The following RBFOX1 variants were observed in gnomAD, a reference collection of about 807,000 sequenced individuals.
The protein encoded by RBFOX1 is RNA binding fox-1 homolog 1.
RBFOX1 carries 8 observed loss-of-function variants against 57.7 expected under a neutral mutation model. The ratio of observed to expected loss-of-function variants is 0.14; its 90% CI spans 0.08 to 0.25. RBFOX1 has a LOEUF of 0.25. Ranked by LOEUF, RBFOX1 falls within the 10% of genes least tolerant of loss-of-function variation. The pLI is 1.00. For synonymous variants in RBFOX1, 326 were observed against 222.4 expected, an observed-to-expected ratio of 1.47 and a Z score of -4.15; for missense variants, 611 against 548.5, an observed-to-expected ratio of 1.11 and a Z score of -1.14.
At chr16:7,678,535 T>C (rs2073965409) in intron 14 of RBFOX1, among the ~76,000 whole-genome samples, 1 of 152,168 alleles carries the variant, frequency 6.6e-6, no homozygotes, top group Admixed American at 6.6e-5. Flanking sequence ...ATAATCATAG[T>C]AACTCTAGCC....
chr16:7,112,094 T>C (rs1473849726), intron 4 of RBFOX1, among the ~76,000 whole-genome samples: 1 of 152,154 alleles, frequency 6.6e-6, no homozygotes, highest in Non-Finnish European at 1.5e-5. Flanking sequence ...GAAACAAAAA[T>C]ATCCTGTGAT....
At chr16:7,056,568 A>C (rs1227023766) in intron 4 of RBFOX1, among the ~76,000 whole-genome samples, 1 of 152,162 alleles carries the variant, frequency 6.6e-6, no homozygotes, top group African/African-American at 2.4e-5. Context: ...ACAAATAAAC[A>C]ACTAAGAGAG....
At chr16:7,364,851 C>T (rs1236360569) in intron 4 of RBFOX1, among the ~76,000 whole-genome samples, 1 of 152,126 alleles carries the variant, frequency 6.6e-6, no homozygotes, top group East Asian at 1.9e-4. Flanking sequence ...TGCTTACTAA[C>T]AAGGAAGAGA....
At chr16:6,871,911 C>CTGTGTGTGTGTCTG (rs2060958315) in intron 3 of RBFOX1, among the ~76,000 whole-genome samples, 1 of 129,610 alleles carries the variant, frequency 7.7e-6, no homozygotes. Flanking sequence ...GGGAGAGAGT[C>CTGTGTGTGTGTCTG]TGTGTGTGTG....
At chr16:5,454,932 TTCCTTCCTTCCTTCCTTCCTTC>T (rs2068565139) in intron 1 of RBFOX1, among the ~76,000 whole-genome samples, 18 of 64,220 alleles carry the variant, frequency 2.8e-4, no homozygotes, top group East Asian at 1.5e-3. Flanking sequence ...TCTTTCTTCC[TTCCTTCCTTCCTTCCTTCCTTC>T]CTTCCTTTCT....
chr16:6,053,777 G>T (rs1218546112), intron 1 of RBFOX1, among the ~76,000 whole-genome samples: 1 of 152,140 alleles, frequency 6.6e-6, no homozygotes, highest in Non-Finnish European at 1.5e-5. Flanking sequence ...CTTAGGCTGG[G>T]CACAGTGGCC....
intron 2 of RBFOX1, among the ~76,000 whole-genome samples, chr16:6,637,708 C>A (rs977755959): frequency 6.6e-6 from 1 of 151,004 alleles, no homozygotes; most frequent in Non-Finnish European, 1.5e-5. Flanking sequence ...GTACAGCTGA[C>A]CATGAGTACA....
intron 3 of RBFOX1, among the ~76,000 whole-genome samples, chr16:6,951,400 A>C (rs1451901236): frequency 1.4e-4 from 21 of 152,200 alleles, no homozygotes; most frequent in Non-Finnish European, 3.1e-4. Flanking sequence ...TTAAAACAAT[A>C]ACGTACATTT....
At chr16:5,929,129 A>G (rs1319939127) in intron 4 of RBFOX1, among the ~76,000 whole-genome samples, 1 of 151,998 alleles carries the variant, frequency 6.6e-6, no homozygotes, top group African/African-American at 2.4e-5. Flanking sequence ...TGACAGAGAC[A>G]TTGCTTTGGA....
chr16:6,296,437 T>C (rs1187707279), intron 1 of RBFOX1, among the ~76,000 whole-genome samples: 1 of 151,480 alleles, frequency 6.6e-6, no homozygotes, highest in South Asian at 2.1e-4. Context: ...TTTTTTTTTT[T>C]CGAGGTGGAG....
chr16:6,928,500 C>G (rs73543231), intron 3 of RBFOX1, among the ~76,000 whole-genome samples: 3 of 152,140 alleles, frequency 2.0e-5, no homozygotes, highest in African/African-American at 4.8e-5. Flanking sequence ...TGCTTTCATG[C>G]GTTAATTATG....
Position 5,341,653 on chromosome 16 carries a change from A to G in RBFOX1, c.219+101548A>G, listed in dbSNP as rs956625305. 5.3e-5 allele frequency among the ~76,000 whole-genome samples: 8 copies of G among 152,164 alleles called. No individual in the cohort carries two copies. The East Asian group carries it at 9.6e-4, about 18-fold the overall frequency. On this transcript the variant is annotated intron_variant, in intron 1 of 2. Transcript: ENST00000585867. The stretch of plus-strand genomic sequence containing the variant: ...CTTGGTTTAATGCTCTGCTTTTGCC[A>G]TCTTGAAATAATGATCCATTTTAGG...
chr16:6,573,615 A>G (rs1029473877), intron 2 of RBFOX1, among the ~76,000 whole-genome samples: 2 of 152,230 alleles, frequency 1.3e-5, no homozygotes, highest in Non-Finnish European at 2.9e-5. Flanking sequence ...TTGGAGAGGT[A>G]GAAAAACTCT....
chr16:7,469,342 G>A (rs774443432), intron 4 of RBFOX1, among the ~76,000 whole-genome samples: 15 of 152,026 alleles, frequency 9.9e-5, no homozygotes, highest in African/African-American at 2.2e-4. Flanking sequence ...GATTATAGGC[G>A]TGAGCCACCG....
At chr16:5,614,009 G>T (rs1385620778) in intron 3 of RBFOX1, among the ~76,000 whole-genome samples, 4 of 151,948 alleles carry the variant, frequency 2.6e-5, no homozygotes, top group Non-Finnish European at 5.9e-5. Context: ...TCTCAATGGG[G>T]CTGTGGAGGG....
chr16:6,758,444 A>T (rs1380496311), intron 3 of RBFOX1, among the ~76,000 whole-genome samples: 1 of 152,160 alleles, frequency 6.6e-6, no homozygotes, highest in Non-Finnish European at 1.5e-5. Flanking sequence ...ATTACAATTG[A>T]ACCCAGTTTG....
chr16:5,464,507 G>C (rs779233691), intron 1 of RBFOX1, among the ~76,000 whole-genome samples: 2 of 152,236 alleles, frequency 1.3e-5, no homozygotes, highest in South Asian at 4.1e-4. Flanking sequence ...GGGAACCCAG[G>C]CACTGAGGAG....
In RBFOX1 at chr16:7,079,205, G is replaced by A. The variant is rs558483706; in HGVS notation, c.27+27107G>A. Reference sequence around the variant, plus strand: ...TCCTATCTCTGCACCATCCAGGCGCGGGACTGCATATGTTTATTGGCCAAA... The same window carrying A: ...TCCTATCTCTGCACCATCCAGGCGCAGGACTGCATATGTTTATTGGCCAAA... On this transcript the variant is annotated intron_variant, in intron 4 of 15. Transcript: ENST00000550418. 3.5e-4 allele frequency among the ~76,000 whole-genome samples: 54 copies of A among 152,148 alleles called. 1 individual carries two copies. In the South Asian group the frequency reaches 8.3e-3, roughly 24 times the overall value.
chr16:5,279,971 G>T (rs1382302045), intron 1 of RBFOX1, among the ~76,000 whole-genome samples: 1 of 152,188 alleles, frequency 6.6e-6, no homozygotes, highest in South Asian at 2.1e-4. Context: ...GTGCCATACT[G>T]TGTTGAATAG....
Sources: gnomAD v4.1 joint callset for allele counts (sites outside exome capture counted in the v4.1 genomes callset) on GRCh38, gnomAD v4.1.1 for gene constraint, MANE v1.5 for transcripts, NCBI Gene and HGNC (gene_info 2026-07-23, HGNC 2026-07-21) for gene names.